Variants in DNAH8 observed in about 807,000 individuals in gnomAD.
DNAH8 encodes the protein axonemal beta dynein heavy chain 8.
DNAH8 carries 382 observed loss-of-function variants against 562.1 expected under a neutral mutation model. That is an observed-to-expected ratio of 0.68 (90% confidence interval 0.63 to 0.74). The LOEUF (loss-of-function observed/expected upper bound fraction) is 0.74, where lower values mean the gene tolerates loss of function less well. DNAH8 is among the 30% of genes least tolerant of loss of function. The pLI is 0.00. For missense variants in DNAH8, 5,203 were observed against 5,620.4 expected (o/e 0.93, Z 2.37); for synonymous variants, 1,881 against 1,919.4 (o/e 0.98, Z 0.52).
rs773210459 is a variant in DNAH8, at chr6:38,842,753, A to C, written c.4695A>C (p.Leu1565=). The change falls in exon 35 of 93, where the codon CTA becomes CTC. Residue 1565 remains leucine, a synonymous_variant. Transcript: ENST00000327475. ...RIDDFSESCP[L]LEMMTNKAMK... Reference sequence around the variant, plus strand: ...ATGATTTCAGTGAGTCATGTCCTCTACTGGAAATGATGACCAATAAGGCCA... The same window carrying C: ...ATGATTTCAGTGAGTCATGTCCTCTCCTGGAAATGATGACCAATAAGGCCA... 2 of 1,613,936 alleles carry C rather than the reference A, an allele frequency of 1.2e-6. No individual in the cohort carries two copies. The highest frequency in any genetic ancestry group is 2.7e-5 in the African/African-American group (2 of 75,040).
At chr6:38,939,186 A>T (rs2150596233) in intron 79 of DNAH8, among the ~76,000 whole-genome samples, 198 bp downstream of exon 79, 1 of 152,282 alleles carries the variant, frequency 6.6e-6, no homozygotes, top group Middle Eastern at 3.4e-3. Flanking sequence ...GCCTGTGCCA[A>T]CTCACCTGAA....
At chr6:38,922,631 G>A (rs1781800280) in intron 71 of DNAH8, among the ~76,000 whole-genome samples, 1 of 152,222 alleles carries the variant, frequency 6.6e-6, no homozygotes, top group South Asian at 2.1e-4. Flanking sequence ...CTTAAGAGTT[G>A]ATACAAGCCG....
At chr6:38,902,315 C>G (rs1780132611) in intron 62 of DNAH8, among the ~76,000 whole-genome samples, 1 of 152,050 alleles carries the variant, frequency 6.6e-6, no homozygotes, top group African/African-American at 2.4e-5. Context: ...GTCCTTACTC[C>G]CAACCACCAC....
At chr6:38,821,743 G>T (rs538231700) in intron 26 of DNAH8, among the ~76,000 whole-genome samples, 9 of 152,110 alleles carry the variant, frequency 5.9e-5, no homozygotes, top group Non-Finnish European at 8.8e-5. Context: ...TTGTATTATT[G>T]TGGAGATAGG....
At chr6:38,999,322 T>C (rs1352005746) in intron 88 of DNAH8, among the ~76,000 whole-genome samples, 2 of 151,994 alleles carry the variant, frequency 1.3e-5, no homozygotes, top group South Asian at 4.2e-4. Flanking sequence ...ACCTAGCCCC[T>C]GGTGCTGAGC....
At chr6:38,927,384 C>G (rs1258045269) in intron 74 of DNAH8, among the ~76,000 whole-genome samples, 3 of 152,180 alleles carry the variant, frequency 2.0e-5, no homozygotes, top group African/African-American at 7.2e-5. Context: ...GGAAGCACAC[C>G]TAAATACCCC....
intron 87 of DNAH8, among the ~76,000 whole-genome samples, chr6:38,989,120 G>A (rs184783376): frequency 6.6e-6 from 1 of 152,298 alleles, no homozygotes; most frequent in East Asian, 1.9e-4. Context: ...AAGAGCTGGA[G>A]GAAGGAGATG....
intron 53 of DNAH8, among the ~76,000 whole-genome samples, chr6:38,876,554 C>T (rs1165708493): frequency 5.3e-5 from 8 of 152,076 alleles, no homozygotes; most frequent in Non-Finnish European, 8.8e-5. Context: ...GTAAGGTAAG[C>T]GGCAGTCGAT....
At chr6:38,828,902 C>T (rs1439703850) in intron 30 of DNAH8, among the ~76,000 whole-genome samples, 1 of 152,182 alleles carries the variant, frequency 6.6e-6, no homozygotes, top group Non-Finnish European at 1.5e-5. Context: ...TCTCTCTTGC[C>T]CCAGCCCTGG....
chr6:38,990,779 G>A (rs1764731244), intron 88 of DNAH8, among the ~76,000 whole-genome samples: 1 of 152,172 alleles, frequency 6.6e-6, no homozygotes, highest in Non-Finnish European at 1.5e-5. Flanking sequence ...TCATCACCTA[G>A]AGAAGAAATG....
chr6:38,952,366 G>A (rs919237781), intron 82 of DNAH8, among the ~76,000 whole-genome samples: 1 of 152,074 alleles, frequency 6.6e-6, no homozygotes, highest in Non-Finnish European at 1.5e-5. Context: ...ACAGGACTGA[G>A]CCATCCTGTA....
chr6:38,741,960 T>A (rs1562613303), intron 8 of DNAH8, 73 bp downstream of exon 8: 15 of 1,296,096 alleles, frequency 1.2e-5, no homozygotes, highest in Non-Finnish European at 1.6e-5. Context: ...TTGAACTACT[T>A]CTTAGTATAA....
chr6:38,997,610 G>A (rs1427318752), intron 88 of DNAH8, among the ~76,000 whole-genome samples: 1 of 152,176 alleles, frequency 6.6e-6, no homozygotes, highest in Non-Finnish European at 1.5e-5. Flanking sequence ...TTGAATGCAT[G>A]TGTGCAGAGA....
chr6:39,005,721 A>T (rs1238119872), intron 88 of DNAH8, among the ~76,000 whole-genome samples: 1 of 152,154 alleles, frequency 6.6e-6, no homozygotes, highest in African/African-American at 2.4e-5. Flanking sequence ...AATTATAGGT[A>T]TATAGTTATT....
intron 21 of DNAH8, among the ~76,000 whole-genome samples, chr6:38,800,897 A>T (rs1411282479): frequency 6.6e-6 from 1 of 151,928 alleles, no homozygotes; most frequent in African/African-American, 2.4e-5. Flanking sequence ...TTAAAATTGG[A>T]TATTTGTCTT....
At position 38,803,044 on chromosome 6, in the gene DNAH8, G is replaced by T. The variant is rs988231032; in HGVS notation, c.2902-135G>T. 10 of 593,126 alleles carry T rather than the reference G, an allele frequency of 1.7e-5. No homozygotes were observed. The East Asian group carries it at 2.8e-4, about 17-fold the overall frequency. The allele number at this position is 593,126 out of a possible 1,614,324, so 36.7% of individuals were successfully genotyped here. A position where few individuals can be genotyped will look rare whatever the true frequency, so the allele number is the denominator to read the frequency against. On this transcript the variant is annotated intron_variant, in intron 21 of 92. Transcript: ENST00000327475. The stretch of plus-strand genomic sequence containing the variant: ...GACAATTTTGAATCTGAAGCATTAT[G>T]CCATTTTCAGCTATCTCTAGCTTTT...
chr6:38,958,997 A>C (rs1762446578), intron 82 of DNAH8, among the ~76,000 whole-genome samples: 1 of 152,212 alleles, frequency 6.6e-6, no homozygotes, highest in African/African-American at 2.4e-5. Flanking sequence ...TAAGTGTGAT[A>C]TATGACAGTA....
intron 29 of DNAH8, among the ~76,000 whole-genome samples, chr6:38,827,583 C>G (rs1354515556): frequency 1.3e-5 from 2 of 151,802 alleles, no homozygotes; most frequent in Non-Finnish European, 2.9e-5. Flanking sequence ...AGAGTTTATA[C>G]TCTTTGGTAG....
chr6:38,747,131 C>T (rs917652499), intron 8 of DNAH8, among the ~76,000 whole-genome samples: 6 of 152,164 alleles, frequency 3.9e-5, no homozygotes, highest in Non-Finnish European at 5.9e-5. Context: ...ATGTGCCAAG[C>T]GTTGTGTTCA....
Sources: allele counts gnomAD v4.1 joint callset (sites outside exome capture counted in the v4.1 genomes callset), GRCh38; gene constraint gnomAD v4.1.1; transcripts MANE v1.5; gene names NCBI Gene and HGNC (gene_info 2026-07-23, HGNC 2026-07-21).